TMEM87B: variants seen among roughly 807,000 people sequenced by gnomAD.
TMEM87B encodes the protein transmembrane protein 87B.
TMEM87B carries 83 observed loss-of-function variants against 80.3 expected under a neutral mutation model. The observed-to-expected ratio is 1.03, with a 90% CI of 0.87 to 1.24. The LOEUF (loss-of-function observed/expected upper bound fraction) is 1.24. TMEM87B is among the 50% of genes most tolerant of loss of function. The pLI, the probability that TMEM87B is intolerant of heterozygous loss-of-function variation, is 0.00. For missense variants in TMEM87B, 625 were observed against 674.4 expected (o/e 0.93, Z 0.81); for synonymous variants, 219 against 230.5 (o/e 0.95, Z 0.45).
Position 112,055,546 on chromosome 2 carries a change from G to C in TMEM87B, c.-46G>C. 2 of 1,455,018 alleles carry C rather than the reference G, an allele frequency of 1.4e-6. No homozygotes were observed. Among genetic ancestry groups the C allele is most frequent in the African/African-American group, 1.5e-5 (1 of 67,736 alleles). The allele number at this position is 1,455,018 out of a possible 1,614,324, so 90.1% of individuals were successfully genotyped here. ...CTGGGGCGGTGCTGCACCAGGTGCG[G>C]GTGTGGCAGGCGTCTCGGAGCGCCA... is the stretch of plus-strand genomic sequence containing the variant. On this transcript the variant is annotated 5_prime_UTR_variant, in exon 1 of 19. Transcript: ENST00000283206.
chr2:112,055,867 G>T, intron 1 of TMEM87B, 111 bp downstream of exon 1: 1 of 1,323,156 alleles, frequency 7.6e-7, no homozygotes, highest in East Asian at 3.0e-5. Context: ...GTCAGCACCG[G>T]GTCCCCTGAT....
At position 112,055,489 on chromosome 2, in the gene TMEM87B, G is replaced by T. The variant is rs10176660; in HGVS notation, c.-103G>T. On this transcript the variant is annotated 5_prime_UTR_variant, in exon 1 of 19. Transcript: ENST00000283206. Reference sequence around the variant, plus strand: ...GAGCCCCTCCTCCACACCCGAGTCCGAGCCCCGCGTCCCGGATTCGGACCC... The same window carrying T: ...GAGCCCCTCCTCCACACCCGAGTCCTAGCCCCGCGTCCCGGATTCGGACCC... 4 of 1,322,626 alleles carry T rather than the reference G, an allele frequency of 3.0e-6. No individual in the cohort carries two copies. Among genetic ancestry groups the T allele is most frequent in the Non-Finnish European group, 3.9e-6 (4 of 1,019,270 alleles). The allele number at this position is 1,322,626 out of a possible 1,614,324, so 81.9% of individuals were successfully genotyped here.
chr2:112,099,395 T>C (rs2104497005), intron 14 of TMEM87B, among the ~76,000 whole-genome samples: 1 of 152,074 alleles, frequency 6.6e-6, no homozygotes, highest in Non-Finnish European at 1.5e-5. Flanking sequence ...CTGGTAGGGA[T>C]AATGCAAATG....
At chr2:112,094,764 T>C (rs901468256) in intron 11 of TMEM87B, among the ~76,000 whole-genome samples, 1 of 152,218 alleles carries the variant, frequency 6.6e-6, no homozygotes, top group African/African-American at 2.4e-5. Context: ...AGATCTTTAG[T>C]GTTTCATGGT....
intron 1 of TMEM87B, 62 bp downstream of exon 1, chr2:112,055,818 T>A: frequency 7.0e-7 from 1 of 1,435,384 alleles, no homozygotes; most frequent in South Asian, 1.5e-5. Flanking sequence ...GTCGTGCGGC[T>A]TCGCTTGACC....
chr2:112,112,834 G>C, intron 17 of TMEM87B, 65 bp from the exon 18 acceptor site: 1 of 1,503,406 alleles, frequency 6.7e-7, no homozygotes, highest in Non-Finnish European at 9.2e-7. Context: ...CCTGTATTCG[G>C]CTTTCGTGGA....
At chr2:112,101,700 T>C (rs1167900394) in intron 15 of TMEM87B, among the ~76,000 whole-genome samples, 1 of 152,228 alleles carries the variant, frequency 6.6e-6, no homozygotes, top group African/African-American at 2.4e-5. Context: ...GTAACTTTTA[T>C]TGAAAAAAAC....
chr2:112,059,775 CCCT>C (rs1336387188), intron 1 of TMEM87B, among the ~76,000 whole-genome samples, 199 bp from the exon 2 acceptor site: 3 of 152,178 alleles, frequency 2.0e-5, no homozygotes, highest in African/African-American at 7.2e-5. Context: ...GAGGCCAGAG[CCCT>C]CCTGATCCTC....
intron 4 of TMEM87B, among the ~76,000 whole-genome samples, chr2:112,067,570 G>A (rs1408436379): frequency 1.3e-5 from 2 of 152,208 alleles, no homozygotes; most frequent in East Asian, 3.9e-4. Context: ...CTGCACTCCA[G>A]CCTGGGCGAC....
In TMEM87B at chr2:112,081,445, TA is replaced by T. The variant is rs1558838054; in HGVS notation, c.766del (p.Ile256PhefsTer29). On this transcript the variant is annotated frameshift_variant, in exon 8 of 19. Transcript: ENST00000283206. LOFTEE classifies it high-confidence loss of function. ...GAATCCAGTTCTGGATTGCAGCTGT[TA>T]TTTTTTTGGGAATGCTTGAAAAAGC... is the stretch of plus-strand genomic sequence containing the variant. ...LRIQFWIAAV[I>X]FLGMLEKAVF... The T allele has an allele frequency of 1.2e-6, 2 of 1,613,850 alleles. No homozygotes were observed. Among genetic ancestry groups the T allele is most frequent in the Non-Finnish European group, 8.5e-7 (1 of 1,179,970 alleles).
Position 112,112,924 on chromosome 2 carries a change from G to C in TMEM87B, c.1603G>C (p.Asp535His). 6.2e-7 allele frequency: 1 copy of C among 1,612,706 alleles called. No individual in the cohort carries two copies. Among genetic ancestry groups the C allele is most frequent in the Non-Finnish European group, 8.5e-7 (1 of 1,179,176 alleles). The change falls in exon 18 of 19, where the codon GAT becomes CAT. Residue 535 changes from aspartate to histidine, a missense_variant. Transcript: ENST00000283206. ...DVALPVLVDS[D>H]EEIMTRSEMA... is the part of the protein sequence containing the mutation. ...AGCTCTTCCAGTGTTAGTGGATTCAGATGAGGTAAAATATATTTTTGCATA... is the reference window on the plus strand; with the variant it reads ...AGCTCTTCCAGTGTTAGTGGATTCACATGAGGTAAAATATATTTTTGCATA...
intron 17 of TMEM87B, among the ~76,000 whole-genome samples, chr2:112,109,071 C>G (rs1679844373): frequency 6.6e-6 from 1 of 152,122 alleles, no homozygotes; most frequent in Non-Finnish European, 1.5e-5. Flanking sequence ...TTGCTGGGGA[C>G]TAGTGTTAAA....
intron 4 of TMEM87B, among the ~76,000 whole-genome samples, chr2:112,070,252 C>A (rs899643994): frequency 6.6e-6 from 1 of 152,102 alleles, no homozygotes; most frequent in African/African-American, 2.4e-5. Context: ...CGTCACCTGT[C>A]CTATGTCCAG....
intron 1 of TMEM87B, among the ~76,000 whole-genome samples, chr2:112,058,950 G>A (rs922159442): frequency 1.3e-5 from 2 of 152,240 alleles, no homozygotes; most frequent in Non-Finnish European, 2.9e-5. Flanking sequence ...GACAATGTAG[G>A]AAAAGTTGGT....
chr2:112,055,796 G>T, intron 1 of TMEM87B, 40 bp downstream of exon 1: 1 of 1,447,240 alleles, frequency 6.9e-7, no homozygotes. Context: ...CACGTCTCGG[G>T]CCGTCAGGGC....
intron 8 of TMEM87B, 77 bp from the exon 9 acceptor site, chr2:112,085,928 G>A: frequency 8.5e-7 from 1 of 1,176,954 alleles, no homozygotes; most frequent in Non-Finnish European, 1.2e-6. Context: ...TTATACACAG[G>A]ACATGTTGTT....
chr2:112,111,347 C>G (rs1679911737), intron 17 of TMEM87B, among the ~76,000 whole-genome samples: 1 of 152,176 alleles, frequency 6.6e-6, no homozygotes, highest in South Asian at 2.1e-4. Flanking sequence ...TTGCTGGAAA[C>G]CAATAAGGCT....
At chr2:112,090,100 T>C (rs912033864) in intron 10 of TMEM87B, among the ~76,000 whole-genome samples, 1 of 152,216 alleles carries the variant, frequency 6.6e-6, no homozygotes, top group Non-Finnish European at 1.5e-5. Flanking sequence ...ACCCTTCAGG[T>C]ATACATACAG....
rs1430783670 is a variant in TMEM87B, at chr2:112,055,766, G to C, written c.165+10G>C. ...AGAGACAGTCAACGACGTAAGTGGA[G>C]TGTCGGGACCCAGGCGTGGCACGTC... is the stretch of plus-strand genomic sequence containing the variant. On this transcript the variant is annotated intron_variant, in intron 1 of 18. Coordinates refer to ENST00000283206, the MANE Select transcript of TMEM87B (RefSeq NM_032824.3). The C allele has an allele frequency of 3.4e-6, 5 of 1,470,998 alleles. No individual in the cohort carries two copies. In the African/African-American group the frequency reaches 4.4e-5, roughly 13 times the overall value. 91.1% of individuals were successfully genotyped at this position (1,470,998 alleles called of 1,614,324 possible). A position where few individuals can be genotyped will look rare whatever the true frequency, so the allele number is the denominator to read the frequency against.
Sources: gnomAD v4.1 joint callset for allele counts (sites outside exome capture counted in the v4.1 genomes callset) on GRCh38, gnomAD v4.1.1 for gene constraint, MANE v1.5 for transcripts, NCBI Gene and HGNC (gene_info 2026-07-23, HGNC 2026-07-21) for gene names.